The following KLHL36 variants were observed in gnomAD, a reference collection of about 807,000 sequenced individuals.
KLHL36 encodes kelch-like protein 36.
KLHL36 carries 35 observed loss-of-function variants against 53.3 expected under a neutral mutation model. The observed-to-expected ratio is 0.66, with a 90% confidence interval of 0.50 to 0.87. The LOEUF is 0.87. KLHL36 is among the 40% of genes least tolerant of loss of function. KLHL36 has a pLI of 0.00. For missense variants in KLHL36, 864 were observed against 897.6 expected, an observed-to-expected ratio of 0.96 and a Z score of 0.48; for synonymous variants, 472 against 398.9, an observed-to-expected ratio of 1.18 and a Z score of -2.18.
Position 84,657,077 on chromosome 16 carries a change from C to T in KLHL36, c.270C>T (p.Ile90=), listed in dbSNP as rs148901080. The change falls in exon 3 of 5, where the codon ATC becomes ATT. Residue 90 remains isoleucine, a synonymous_variant. Coordinates refer to ENST00000564996, the MANE Select transcript of KLHL36 (RefSeq NM_024731.4). ...REAFQKEVEL[I]GASYIGLKAV... ...CTTTCCAGAAGGAGGTGGAGCTGAT[C>T]GGCGCCTCCTACATTGGGCTCAAGG... is the stretch of plus-strand genomic sequence containing the variant. 2.7e-5 allele frequency: 44 copies of T among 1,614,186 alleles called. 1 individual carries two copies. The highest frequency in any genetic ancestry group is 2.0e-4 in the African/African-American group (15 of 75,066).
rs934628318 is a variant in KLHL36, at chr16:84,648,766, C to G, written c.-17+117C>G. The G allele has an allele frequency of 1.3e-5, 2 of 148,630 alleles. No individual in the cohort carries two copies. Among genetic ancestry groups the G allele is most frequent in the African/African-American group, 4.9e-5 (2 of 41,012 alleles). The allele number at this position is 148,630 out of a possible 1,614,324, so 9.2% of individuals were successfully genotyped here. A position where few individuals can be genotyped will look rare whatever the true frequency, so the allele number is the denominator to read the frequency against. On this transcript the variant is annotated intron_variant, in intron 1 of 4. Coordinates refer to ENST00000564996, the MANE Select transcript of KLHL36 (RefSeq NM_024731.4). The surrounding 1 kb of genome is among the most constrained non-coding windows in gnomAD (Gnocchi z 4.9). ...CCCGGCCACCGCGAGCCGCGACCCCCCTGCGCCCCTTGGTGCCGGGGCGGG... is the reference window on the plus strand; with the variant it reads ...CCCGGCCACCGCGAGCCGCGACCCCGCTGCGCCCCTTGGTGCCGGGGCGGG...
Position 84,659,745 on chromosome 16 carries a change from A to G in KLHL36, c.1138-15A>G, listed in dbSNP as rs1027659619. ...GGTTCGGGGAAGGGAAGGTACAGGT[A>G]TCTCAACTCCACAGGTGGCCTCCAT... On this transcript the variant is annotated splice_polypyrimidine_tract_variant and intron_variant, in intron 3 of 4. Coordinates refer to ENST00000564996, the MANE Select transcript of KLHL36 (RefSeq NM_024731.4). 13 of 1,613,248 alleles carry G rather than the reference A, an allele frequency of 8.1e-6. No individual in the cohort carries two copies. The highest frequency in any genetic ancestry group is 1.1e-5 in the Non-Finnish European group (13 of 1,179,314).
In KLHL36 at chr16:84,657,230, G is replaced by A; in HGVS notation, c.423G>A (p.Gln141=). ...ACTTCTGCTGTGAGTACCTGGAGCA[G>A]GAGGTGAGCGAGGACAACTACCTGT... ...VVDFCCEYLE[Q]EVSEDNYLYL... The change falls in exon 3 of 5, where the codon CAG becomes CAA. Residue 141 remains glutamine (Q), a synonymous_variant. Transcript: ENST00000564996. 6 of 1,614,194 alleles carry A rather than the reference G, an allele frequency of 3.7e-6. No individual in the cohort carries two copies. Among genetic ancestry groups the A allele is most frequent in the Non-Finnish European group, 4.2e-6 (5 of 1,180,028 alleles).
rs1236467520 is a variant in KLHL36, at chr16:84,661,613, A to T, written c.1331A>T (p.Asp444Val). 1.2e-6 allele frequency: 2 copies of T among 1,606,618 alleles called. No homozygotes were observed. The highest frequency in any genetic ancestry group is 1.7e-6 in the Non-Finnish European group (2 of 1,176,222). The stretch of plus-strand genomic sequence containing the variant: ...GGCCACGCGGGCACCATCTACAAAG[A>T]CTTCGTGTACATCTCGGGGGGCCAC... ...TYGHAGTIYKDFVYISGGHDY... is the reference protein window; with the variant it reads ...TYGHAGTIYKVFVYISGGHDY... Residue 444 changes from aspartate (D) to valine (V), a missense_variant, in exon 5 of 5, where the codon GAC (aspartate) becomes GTC (valine). Coordinates refer to ENST00000564996, the MANE Select transcript of KLHL36 (RefSeq NM_024731.4). This position sits in a 1 kb window ranked among gnomAD's most constrained non-coding sequence, Gnocchi z 7.9.
In KLHL36 at chr16:84,666,149, A is replaced by T. The variant is rs1319971397; in HGVS notation, c.*4016A>T. ...GAGACCCTGTCCTGCGCATCTGCCAAGCCTGGCAGTTTTTAGAGTTTTTTG... is the reference window on the plus strand; with the variant it reads ...GAGACCCTGTCCTGCGCATCTGCCATGCCTGGCAGTTTTTAGAGTTTTTTG... On this transcript the variant is annotated 3_prime_UTR_variant, in exon 5 of 5. Coordinates refer to ENST00000564996, the MANE Select transcript of KLHL36 (RefSeq NM_024731.4). The T allele has an allele frequency of 6.6e-6, 1 of 152,248 alleles. No individual in the cohort carries two copies. The highest frequency in any genetic ancestry group is 2.4e-5 in the African/African-American group (1 of 41,458). 9.4% of individuals were successfully genotyped at this position (152,248 alleles called of 1,614,324 possible).
Position 84,648,763 on chromosome 16 carries a change from C to T in KLHL36, c.-17+114C>T. ...GTCCCCGGCCACCGCGAGCCGCGAC[C>T]CCCCTGCGCCCCTTGGTGCCGGGGC... On this transcript the variant is annotated intron_variant, in intron 1 of 4. Transcript: ENST00000564996. The surrounding 1 kb of genome is among the most constrained non-coding windows in gnomAD (Gnocchi z 4.9). 1 of 148,562 alleles carries T rather than the reference C, an allele frequency of 6.7e-6. No individual in the cohort carries two copies. Among genetic ancestry groups the T allele is most frequent in the Non-Finnish European group, 1.5e-5 (1 of 66,486 alleles). The allele number at this position is 148,562 out of a possible 1,614,324, so 9.2% of individuals were successfully genotyped here.
In KLHL36 at chr16:84,665,661, ACT is replaced by A. The variant is rs1009398895; in HGVS notation, c.*3530_*3531del. 3.0e-4 allele frequency: 45 copies of A among 152,170 alleles called. No individual in the cohort carries two copies. Among genetic ancestry groups the A allele is most frequent in the African/African-American group, 1.0e-3 (42 of 41,494 alleles). 9.4% of individuals were successfully genotyped at this position (152,170 alleles called of 1,614,324 possible). A position where few individuals can be genotyped will look rare whatever the true frequency, so the allele number is the denominator to read the frequency against. ...AAGGTGACTTCATGGAGACCCAGAAACTCACCCTAAGGGGTGTTCACCTTTGA... is the reference window on the plus strand; with the variant it reads ...AAGGTGACTTCATGGAGACCCAGAAACACCCTAAGGGGTGTTCACCTTTGA... On this transcript the variant is annotated 3_prime_UTR_variant, in exon 5 of 5. Transcript: ENST00000564996.
At chr16:84,650,738 C>T (rs1184732042) in intron 1 of KLHL36, 114 bp from the exon 2 acceptor site, 13 of 727,630 alleles carry the variant, frequency 1.8e-5, no homozygotes, top group Non-Finnish European at 2.8e-5. Flanking sequence ...TCCCTCCCTC[C>T]TTCTTCCGTG....
chr16:84,663,833 A>T lies in KLHL36; in HGVS notation c.*1700A>T, dbSNP rs12920360. On this transcript the variant is annotated 3_prime_UTR_variant, in exon 5 of 5. Transcript: ENST00000564996. ...GTCTGTTTATGTAGCCATCCAGAAG[A>T]GATGAGAGCATTTTGGGGACTGAAA... The T allele has an allele frequency of 0.16, 25,006 of 152,180 alleles. 2,428 individuals carry two copies. Among genetic ancestry groups the T allele is most frequent in the Non-Finnish European group, 0.21 (14,613 of 68,010 alleles). The allele number at this position is 152,180 out of a possible 1,614,324, so 9.4% of individuals were successfully genotyped here. A position where few individuals can be genotyped will look rare whatever the true frequency, so the allele number is the denominator to read the frequency against.
chr16:84,666,220 TA>T lies in KLHL36; in HGVS notation c.*4088del, dbSNP rs1458891198. The T allele has an allele frequency of 6.6e-6, 1 of 152,270 alleles. No homozygotes were observed. Among genetic ancestry groups the T allele is most frequent in the African/African-American group, 2.4e-5 (1 of 41,472 alleles). The allele number at this position is 152,270 out of a possible 1,614,324, so 9.4% of individuals were successfully genotyped here. ...ATACAATTTGCTAATAACTGTTTTG[TA>T]GAATGCCTGCCGGGGTTTTCCACCT... On this transcript the variant is annotated 3_prime_UTR_variant, in exon 5 of 5. Coordinates refer to ENST00000564996, the MANE Select transcript of KLHL36 (RefSeq NM_024731.4).
Position 84,662,134 on chromosome 16 carries a change from C to T in KLHL36, c.*1C>T. 1 of 1,522,934 alleles carries T rather than the reference C, an allele frequency of 6.6e-7. No individual in the cohort carries two copies. The allele number at this position is 1,522,934 out of a possible 1,614,324, so 94.3% of individuals were successfully genotyped here. ...GAGGCACCAGGACCGGGGCCAGTGA[C>T]CCTAGCTGCGCCTCTTGGGACCATC... On this transcript the variant is annotated 3_prime_UTR_variant, in exon 5 of 5. Transcript: ENST00000564996.
intron 3 of KLHL36, chr16:84,659,493 G>T (rs11149672): frequency 2.4e-6 from 1 of 410,114 alleles, no homozygotes; most frequent in East Asian, 4.2e-5. Flanking sequence ...CATGACCAGA[G>T]AAGTTCGGGG....
chr16:84,652,522 G>C (rs546651465), intron 2 of KLHL36, among the ~76,000 whole-genome samples: 2 of 152,158 alleles, frequency 1.3e-5, no homozygotes, highest in South Asian at 4.1e-4. Flanking sequence ...GCCAGCCTTG[G>C]CCTCCCAAAG....
Position 84,661,795 on chromosome 16 carries a change from A to G in KLHL36, c.1513A>G (p.Ile505Val), listed in dbSNP as rs149485033. 1.9e-5 allele frequency: 30 copies of G among 1,612,096 alleles called. No individual in the cohort carries two copies. In the East Asian group the frequency reaches 6.0e-4, roughly 32 times the overall value. ...CTCCATCGGGGGCAGCGATGACAACATCGAGTCCATGGAGCGCTTCGACGT... is the reference window on the plus strand; with the variant it reads ...CTCCATCGGGGGCAGCGATGACAACGTCGAGTCCATGGAGCGCTTCGACGT... ...IYSIGGSDDN[I>V]ESMERFDVLG... is the part of the protein sequence containing the mutation. Residue 505 changes from isoleucine to valine, a missense_variant, in exon 5 of 5, where the codon ATC becomes GTC. Coordinates refer to ENST00000564996, the MANE Select transcript of KLHL36 (RefSeq NM_024731.4). The surrounding 1 kb of genome is among the most constrained non-coding windows in gnomAD (Gnocchi z 7.9).
In KLHL36 at chr16:84,657,617, C is replaced by T. The variant is rs145947799; in HGVS notation, c.810C>T (p.Ala270=). The T allele has an allele frequency of 2.7e-5, 44 of 1,611,338 alleles. No individual in the cohort carries two copies. The highest frequency in any genetic ancestry group is 4.0e-5 in the African/African-American group (3 of 74,938). The stretch of plus-strand genomic sequence containing the variant: ...ACTGCGAGGGCTTCATCGAGGAGGC[C>T]GTGCGCTACCACAACAACCTGGCGG... ...EANCEGFIEE[A]VRYHNNLAAQ... The change falls in exon 3 of 5, where the codon GCC becomes GCT. Residue 270 remains alanine, a synonymous_variant. Coordinates refer to ENST00000564996, the MANE Select transcript of KLHL36 (RefSeq NM_024731.4).
Position 84,651,047 on chromosome 16 carries a change from T to C in KLHL36, c.63+117T>C, listed in dbSNP as rs1467731733. ...TTTGTCATTGGTGTTGTCAGTCTCC[T>C]TAATGACAAGTAAAGGTGGAAACGG... On this transcript the variant is annotated intron_variant, in intron 2 of 4. Transcript: ENST00000564996. 15 of 807,936 alleles carry C rather than the reference T, an allele frequency of 1.9e-5. 1 individual carries two copies. Among genetic ancestry groups the C allele is most frequent in the Non-Finnish European group, 3.0e-5 (15 of 506,352 alleles). The allele number at this position is 807,936 out of a possible 1,614,324, so 50.0% of individuals were successfully genotyped here.
In KLHL36 at chr16:84,666,571, G is replaced by C. The variant is rs1271625864; in HGVS notation, c.*4438G>C. 1 of 152,178 alleles carries C rather than the reference G, an allele frequency of 6.6e-6. No individual in the cohort carries two copies. The highest frequency in any genetic ancestry group is 6.5e-5 in the Admixed American group (1 of 15,282). The allele number at this position is 152,178 out of a possible 1,614,324, so 9.4% of individuals were successfully genotyped here. On this transcript the variant is annotated 3_prime_UTR_variant, in exon 5 of 5. Transcript: ENST00000564996. ...ACCTTTGCCATACGGGTCATTTCTT[G>C]ATCAAATATATGACTGGGGTCCTGG...
chr16:84,651,686 G>C (rs930944213), intron 2 of KLHL36, among the ~76,000 whole-genome samples: 14 of 152,166 alleles, frequency 9.2e-5, no homozygotes, highest in African/African-American at 3.4e-4. Flanking sequence ...TTCTCAATGA[G>C]TATGATATTG....
chr16:84,662,399 C>A lies in KLHL36; in HGVS notation c.*266C>A, dbSNP rs1459550052. 6.0e-6 allele frequency: 2 copies of A among 334,262 alleles called. No individual in the cohort carries two copies. The highest frequency in any genetic ancestry group is 2.1e-5 in the African/African-American group (1 of 48,590). The allele number at this position is 334,262 out of a possible 1,614,324, so 20.7% of individuals were successfully genotyped here. On this transcript the variant is annotated 3_prime_UTR_variant, in exon 5 of 5. Transcript: ENST00000564996. ...GTCTTTGCCCCGTGTTATGATTCCT[C>A]ATGGGTCCTTGCTGACTGTCCCCCT...
Sources: allele counts gnomAD v4.1 joint callset (sites outside exome capture counted in the v4.1 genomes callset), GRCh38; gene constraint gnomAD v4.1.1; non-coding constraint Gnocchi (gnomAD v3.1); transcripts MANE v1.5; gene names NCBI Gene and HGNC (gene_info 2026-07-23, HGNC 2026-07-21).